CATSPERB: variants seen among roughly 807,000 people sequenced by gnomAD.
CATSPERB encodes the protein cation channel sperm-associated auxiliary subunit beta.
A neutral mutation model predicts 128.3 loss-of-function variants in CATSPERB; 93 were observed. The observed-to-expected ratio is 0.72, with a 90% CI of 0.61 to 0.86. The LOEUF is 0.86. CATSPERB is among the 40% of genes least tolerant of loss of function. The pLI is 0.00. For synonymous variants in CATSPERB, 381 were observed against 448.8 expected (o/e 0.85, Z 1.91); for missense variants, 1,153 against 1,329.5 (o/e 0.87, Z 2.06).
At chr14:91,596,290 G>A (rs1051058283) in intron 22 of CATSPERB, among the ~76,000 whole-genome samples, 3 of 151,776 alleles carry the variant, frequency 2.0e-5, no homozygotes, top group South Asian at 2.1e-4. Flanking sequence ...TACAAGCTCC[G>A]CCTCCCGGGT....
chr14:91,589,580 A>T lies in CATSPERB; in HGVS notation c.2910T>A (p.Tyr970Ter). 1 of 1,614,102 alleles carries T rather than the reference A, an allele frequency of 6.2e-7. No homozygotes were observed. The highest frequency in any genetic ancestry group is 8.5e-7 in the Non-Finnish European group (1 of 1,179,948). Residue 970 changes from tyrosine (Y) to a stop codon, truncating the protein, a stop_gained, in exon 24 of 27, where the codon TAT becomes TAA. Coordinates refer to ENST00000256343, the MANE Select transcript of CATSPERB (RefSeq NM_024764.4). LOFTEE classifies it high-confidence loss of function. ...TGTTCACTTCAGTCACAGTAACCAG[A>T]TATGGAGATTGCAATGGGACACGTC... ...EDGRVPLQSP[Y>*]LVTVTEVNMR...
intron 7 of CATSPERB, 61 bp from the exon 8 acceptor site, chr14:91,693,540 G>C: frequency 1.6e-6 from 2 of 1,229,636 alleles, no homozygotes; most frequent in Admixed American, 3.5e-5. Flanking sequence ...TCACCTTCAG[G>C]GGCAAGAGCC....
chr14:91,624,586 A>G (rs1894117796), intron 18 of CATSPERB, among the ~76,000 whole-genome samples: 1 of 151,698 alleles, frequency 6.6e-6, no homozygotes. Flanking sequence ...GGTTGCGGTG[A>G]GTCGAGATCG....
At chr14:91,654,045 G>A (rs1456727568) in intron 15 of CATSPERB, among the ~76,000 whole-genome samples, 1 of 152,074 alleles carries the variant, frequency 6.6e-6, no homozygotes. Flanking sequence ...AGGAAGAGTG[G>A]GAAGAACAGA....
chr14:91,609,151 A>T (rs1893771993), intron 21 of CATSPERB, among the ~76,000 whole-genome samples: 1 of 152,180 alleles, frequency 6.6e-6, no homozygotes, highest in Admixed American at 6.5e-5. Context: ...AAATCCAGGG[A>T]AACTGCAGCT....
At chr14:91,706,931 C>A (rs1293349134) in intron 6 of CATSPERB, among the ~76,000 whole-genome samples, 1 of 152,146 alleles carries the variant, frequency 6.6e-6, no homozygotes, top group East Asian at 1.9e-4. Flanking sequence ...CAGACCTTCT[C>A]AAGGGGACTA....
intron 8 of CATSPERB, 29 bp from the exon 9 acceptor site, chr14:91,693,273 A>T: frequency 6.3e-7 from 1 of 1,575,558 alleles, no homozygotes; most frequent in Non-Finnish European, 8.7e-7. Context: ...CCATGGATTA[A>T]AAAGTAAGAA....
intron 14 of CATSPERB, 137 bp downstream of exon 14, chr14:91,669,677 A>C: frequency 1.3e-6 from 1 of 798,696 alleles, no homozygotes; most frequent in Non-Finnish European, 1.9e-6. Context: ...TACAATAAAT[A>C]GTCAATAAAT....
At chr14:91,726,358 A>G (rs891506461) in intron 2 of CATSPERB, among the ~76,000 whole-genome samples, 3 of 152,164 alleles carry the variant, frequency 2.0e-5, no homozygotes, top group African/African-American at 7.2e-5. Context: ...GCACCTGCCC[A>G]TCTGCATGCT....
chr14:91,593,182 G>C (rs1893442149), intron 22 of CATSPERB, among the ~76,000 whole-genome samples: 1 of 152,222 alleles, frequency 6.6e-6, no homozygotes, highest in South Asian at 2.1e-4. Flanking sequence ...GGCCTTTATG[G>C]AGAACCTCTG....
At chr14:91,657,732 G>C (rs1188641720) in intron 15 of CATSPERB, among the ~76,000 whole-genome samples, 1 of 152,154 alleles carries the variant, frequency 6.6e-6, no homozygotes, top group East Asian at 1.9e-4. Context: ...TTTCTCAAAA[G>C]ATGACATACA....
chr14:91,598,857 C>CAAAAAAAAA (rs377460093), intron 22 of CATSPERB, among the ~76,000 whole-genome samples: 1 of 110,056 alleles, frequency 9.1e-6, no homozygotes, highest in African/African-American at 3.5e-5. Context: ...GACTCTGTCT[C>CAAAAAAAAA]AAAAAAAAAA....
intron 10 of CATSPERB, 95 bp downstream of exon 10, chr14:91,691,428 A>G: frequency 2.8e-6 from 2 of 703,882 alleles, no homozygotes; most frequent in East Asian, 5.8e-5. Flanking sequence ...TAACTGGAAT[A>G]ACTTATATTG....
At chr14:91,656,088 T>C (rs910721279) in intron 15 of CATSPERB, among the ~76,000 whole-genome samples, 1 of 152,048 alleles carries the variant, frequency 6.6e-6, no homozygotes, top group Non-Finnish European at 1.5e-5. Context: ...CTGGCAAAAA[T>C]ATCCTTTAAA....
chr14:91,707,344 A>T (rs1178471034), intron 6 of CATSPERB, among the ~76,000 whole-genome samples: 1 of 152,208 alleles, frequency 6.6e-6, no homozygotes, highest in Admixed American at 6.5e-5. Context: ...AAAAATTGAT[A>T]TAACAATTTT....
rs757283239 is a variant in CATSPERB at position 91,608,302 on chromosome 14, T to C, written c.2701A>G (p.Met901Val). 6.3e-7 allele frequency: 1 copy of C among 1,594,622 alleles called. No individual in the cohort carries two copies. Among genetic ancestry groups the C allele is most frequent in the Non-Finnish European group, 8.6e-7 (1 of 1,164,028 alleles). Residue 901 changes from methionine (M) to valine (V), a missense_variant, in exon 22 of 27, where the codon ATG (methionine) becomes GTG (valine). Physicochemically the swap from Met to Val is conservative, Grantham distance 21 (BLOSUM62 1). Coordinates refer to ENST00000256343, the MANE Select transcript of CATSPERB (RefSeq NM_024764.4). The part of the protein sequence containing the change: ...SKPIPRNMFH[M>V]SKKTGKFKQC... The stretch of plus-strand genomic sequence containing the variant: ...GTAAAAAAGTTATTTACCTTTGACA[T>C]GTGAAACATGTTTCTTGGTATGGGT...
At chr14:91,612,405 C>T (rs8003345) in intron 20 of CATSPERB, among the ~76,000 whole-genome samples, 14,066 of 152,178 alleles carry the variant, frequency 0.092, 713 homozygotes, top group Middle Eastern at 0.19. Flanking sequence ...TCTGCTTTGG[C>T]CTCCCAAAGT....
intron 22 of CATSPERB, among the ~76,000 whole-genome samples, chr14:91,599,560 A>AAAAAG (rs1893574512): frequency 6.6e-6 from 1 of 150,956 alleles, no homozygotes; most frequent in Non-Finnish European, 1.5e-5. Flanking sequence ...AAAAAAAAAA[A>AAAAAG]GAAAGTTTAT....
At chr14:91,659,121 A>G (rs77484787) in intron 15 of CATSPERB, among the ~76,000 whole-genome samples, 238 of 152,320 alleles carry the variant, frequency 1.6e-3, no homozygotes, top group Middle Eastern at 3.4e-3. Flanking sequence ...AGGATGGCAT[A>G]GTTAACACTA....
Sources: gnomAD v4.1 joint callset for allele counts (sites outside exome capture counted in the v4.1 genomes callset) on GRCh38, gnomAD v4.1.1 for gene constraint, MANE v1.5 for transcripts, NCBI Gene and HGNC (gene_info 2026-07-23, HGNC 2026-07-21) for gene names.